Variants in PTPRD observed in about 807,000 individuals in gnomAD.
The protein encoded by PTPRD is receptor-type tyrosine-protein phosphatase delta.
PTPRD carries 34 observed loss-of-function variants against 214.5 expected under a neutral mutation model. The ratio of observed to expected loss-of-function variants is 0.16; its 90% CI spans 0.12 to 0.21. PTPRD has a LOEUF of 0.21. Ranked by LOEUF, PTPRD falls within the 10% of genes least tolerant of loss-of-function variation. PTPRD has a pLI of 1.00. For missense variants in PTPRD, 2,545 were observed against 2,398.7 expected, an observed-to-expected ratio of 1.06 and a Z score of -1.27; for synonymous variants, 1,128 against 845.7, an observed-to-expected ratio of 1.33 and a Z score of -5.79.
chr9:10,388,951 G>C (rs186888973), intron 2 of PTPRD, among the ~76,000 whole-genome samples: 10 of 151,866 alleles, frequency 6.6e-5, no homozygotes, highest in Admixed American at 1.3e-4. Context: ...AAATTGTATA[G>C]AAGTTGAAAG....
Position 9,279,756 on chromosome 9 carries a change from T to G in PTPRD, c.-202-96393A>C, listed in dbSNP as rs114362649. ...TATCTAACCCTGGAGTAACTACAAATAAGAGCATGCAATATTACTCTCCTC... is the reference window on the plus strand; with the variant it reads ...TATCTAACCCTGGAGTAACTACAAAGAAGAGCATGCAATATTACTCTCCTC... On this transcript the variant is annotated intron_variant, in intron 9 of 45. Transcript: ENST00000381196. 3.6e-3 allele frequency among the ~76,000 whole-genome samples: 538 copies of G among 151,218 alleles called. 5 individuals carry two copies. Among genetic ancestry groups the G allele is most frequent in the African/African-American group, 0.013 (520 of 41,416 alleles).
intron 37 of PTPRD, among the ~76,000 whole-genome samples, chr9:8,377,583 A>T (rs904145343): frequency 6.6e-6 from 1 of 152,072 alleles, no homozygotes; most frequent in Non-Finnish European, 1.5e-5. Flanking sequence ...AGATCTGACT[A>T]TATTTACCCT....
chr9:9,535,471 G>C (rs1259734214), intron 8 of PTPRD, among the ~76,000 whole-genome samples: 1 of 152,112 alleles, frequency 6.6e-6, no homozygotes, highest in African/African-American at 2.4e-5. Context: ...CAAATGTCCA[G>C]TGACTTAAGC....
chr9:9,677,834 C>G (rs1256665049), intron 7 of PTPRD, among the ~76,000 whole-genome samples: 1 of 152,020 alleles, frequency 6.6e-6, no homozygotes, highest in African/African-American at 2.4e-5. Flanking sequence ...CATCTCAGCC[C>G]AAAATCTCCT....
At chr9:9,672,604 T>C (rs2096852614) in intron 7 of PTPRD, among the ~76,000 whole-genome samples, 1 of 152,140 alleles carries the variant, frequency 6.6e-6, no homozygotes, top group Non-Finnish European at 1.5e-5. Context: ...TGTACTTAGC[T>C]ACTTCACATA....
chr9:9,910,247 T>C (rs2078811115), intron 5 of PTPRD, among the ~76,000 whole-genome samples: 1 of 152,024 alleles, frequency 6.6e-6, no homozygotes, highest in South Asian at 2.1e-4. Flanking sequence ...TAGAGTTTCA[T>C]GCAAACCCCT....
At chr9:8,700,208 A>T (rs1227799055) in intron 12 of PTPRD, among the ~76,000 whole-genome samples, 1 of 152,218 alleles carries the variant, frequency 6.6e-6, no homozygotes, top group Non-Finnish European at 1.5e-5. Flanking sequence ...TTTGATCATC[A>T]TACTACAAAA....
intron 9 of PTPRD, among the ~76,000 whole-genome samples, chr9:9,299,148 C>G (rs968543603): frequency 2.0e-5 from 3 of 151,450 alleles, no homozygotes; most frequent in Non-Finnish European, 4.4e-5. Context: ...ACGGTAAATC[C>G]AATAGAATAG....
At chr9:8,916,584 A>C (rs1272894083) in intron 11 of PTPRD, among the ~76,000 whole-genome samples, 1 of 152,272 alleles carries the variant, frequency 6.6e-6, no homozygotes, top group East Asian at 1.9e-4. Flanking sequence ...AGAGATTTAG[A>C]GTTGTAGATT....
At chr9:8,599,303 G>A (rs1018864476) in intron 14 of PTPRD, among the ~76,000 whole-genome samples, 5 of 152,012 alleles carry the variant, frequency 3.3e-5, no homozygotes, top group Admixed American at 2.0e-4. Flanking sequence ...TATTAGCAGC[G>A]TGGGAACAGA....
At chr9:9,771,109 A>G (rs2098748345) in intron 5 of PTPRD, among the ~76,000 whole-genome samples, 1 of 152,138 alleles carries the variant, frequency 6.6e-6, no homozygotes, top group African/African-American at 2.4e-5. Flanking sequence ...TGATTTATGC[A>G]CCTTATGCCC....
intron 9 of PTPRD, among the ~76,000 whole-genome samples, chr9:9,356,622 G>A (rs568329100): frequency 4.3e-4 from 65 of 151,504 alleles, no homozygotes; most frequent in African/African-American, 1.6e-3. Context: ...ATGGGGAGAA[G>A]TAGGAATATA....
chr9:10,439,066 T>TC (rs1266813034), intron 2 of PTPRD, among the ~76,000 whole-genome samples: 5 of 151,804 alleles, frequency 3.3e-5, no homozygotes, highest in African/African-American at 1.2e-4. Flanking sequence ...AAAGTGCTTG[T>TC]CCGTTGGAGC....
At chr9:8,762,092 T>C (rs181820722) in intron 11 of PTPRD, among the ~76,000 whole-genome samples, 1 of 152,068 alleles carries the variant, frequency 6.6e-6, no homozygotes, top group Non-Finnish European at 1.5e-5. Context: ...ACTATAGCAG[T>C]TTAGGGGATG....
intron 4 of PTPRD, among the ~76,000 whole-genome samples, chr9:9,986,347 A>G (rs1034053104): frequency 1.3e-5 from 2 of 152,172 alleles, no homozygotes; most frequent in East Asian, 1.9e-4. Context: ...CTAAGTGTCT[A>G]TCAACAGGAA....
chr9:9,676,838 T>A (rs1389336884), intron 7 of PTPRD, among the ~76,000 whole-genome samples: 3 of 152,196 alleles, frequency 2.0e-5, no homozygotes, highest in African/African-American at 7.2e-5. Context: ...TGAGATGGTA[T>A]CTCATTGTGG....
Position 8,402,659 on chromosome 9 carries a change from T to C in PTPRD, c.4210+1878A>G, listed in dbSNP as rs1039947043. Among the ~76,000 whole-genome samples, 5 of 150,104 alleles carry C rather than the reference T, an allele frequency of 3.3e-5. No individual in the cohort carries two copies. In the South Asian group the frequency reaches 1.1e-3, roughly 32 times the overall value. The stretch of plus-strand genomic sequence containing the variant: ...ACTCAGTTTAGTTTTTCATTTATTA[T>C]GGAGATGATTTAAGAGACTTGAGAC... On this transcript the variant is annotated intron_variant, in intron 36 of 45. Coordinates refer to ENST00000381196, the MANE Select transcript of PTPRD (RefSeq NM_002839.4).
chr9:9,784,311 T>A (rs1597714062), intron 5 of PTPRD, among the ~76,000 whole-genome samples: 2 of 152,044 alleles, frequency 1.3e-5, no homozygotes, highest in Non-Finnish European at 2.9e-5. Flanking sequence ...CTATGGAAAA[T>A]TTTAAAGTGA....
rs567479642 is a variant in PTPRD, at chr9:9,915,797, A to G, written c.-368+22710T>C. 2.6e-4 allele frequency among the ~76,000 whole-genome samples: 39 copies of G among 152,224 alleles called. No individual in the cohort carries two copies. The South Asian group carries it at 8.1e-3, about 31-fold the overall frequency. ...ATTCAAGAAAAAAGGTGAGAAAATC[A>G]TATTTAATGAAATGATAGCAGAAAA... is the stretch of plus-strand genomic sequence containing the variant. On this transcript the variant is annotated intron_variant, in intron 5 of 45. Transcript: ENST00000381196.
Sources: gnomAD v4.1 joint callset for allele counts (sites outside exome capture counted in the v4.1 genomes callset) on GRCh38, gnomAD v4.1.1 for gene constraint, MANE v1.5 for transcripts, NCBI Gene and HGNC (gene_info 2026-07-23, HGNC 2026-07-21) for gene names.